TRMO: variants seen among roughly 807,000 people sequenced by gnomAD.
TRMO encodes tRNA methyltransferase O, also known as tRNA (adenine(37)-N6)-methyltransferase.
A neutral mutation model predicts 37.2 loss-of-function variants in TRMO; 30 were observed. That is an observed-to-expected ratio of 0.81 (90% CI 0.60 to 1.09). TRMO has a LOEUF of 1.09. Among genes scored for constraint, TRMO ranks in the 50% least tolerant of loss-of-function variants. TRMO has a pLI of 0.00. For synonymous variants in TRMO, 239 were observed against 199.4 expected, an observed-to-expected ratio of 1.20 and a Z score of -1.67; for missense variants, 552 against 549.5, an observed-to-expected ratio of 1.00 and a Z score of -0.05.
At chr9:97,903,253 A>C (rs985331697), downstream of TRMO, among the ~76,000 whole-genome samples, 2 of 151,998 alleles carry the variant, frequency 1.3e-5, no homozygotes, top group African/African-American at 2.4e-5. Flanking sequence ...GGGCAAAAGC[A>C]TGAGACTCAT....
intron 1 of TRMO, among the ~76,000 whole-genome samples, chr9:97,919,964 AC>A (rs1826549887): frequency 6.6e-6 from 1 of 152,214 alleles, no homozygotes; most frequent in Non-Finnish European, 1.5e-5. Flanking sequence ...ATATCCTAGT[AC>A]GTCTGAACTC....
rs1377359850 is a variant in TRMO at position 97,904,589 on chromosome 9, A to C, written c.*144T>G. 11 of 1,489,782 alleles carry C rather than the reference A, an allele frequency of 7.4e-6. No individual in the cohort carries two copies. The highest frequency in any genetic ancestry group is 1.4e-5 in the African/African-American group (1 of 71,410). 92.3% of individuals were successfully genotyped at this position (1,489,782 alleles called of 1,614,324 possible). ...AGTTTATTAATGTATACGTTTTTCA[A>C]ATAAACATTTTGAACAGCCCAAATC... On this transcript the variant is annotated 3_prime_UTR_variant, in exon 5 of 5. Transcript: ENST00000375119.
At chr9:97,915,107 C>A (rs751378241) in intron 2 of TRMO, among the ~76,000 whole-genome samples, 2 of 152,148 alleles carry the variant, frequency 1.3e-5, no homozygotes, top group Non-Finnish European at 2.9e-5. Context: ...ATTTTTAGGT[C>A]TCTACCAATA....
At chr9:97,918,365 T>C (rs1201691843) in intron 1 of TRMO, among the ~76,000 whole-genome samples, 1 of 148,128 alleles carries the variant, frequency 6.8e-6, no homozygotes, top group Non-Finnish European at 1.5e-5. Flanking sequence ...CACTCCAACC[T>C]AGGTGAGCGA....
downstream of TRMO, among the ~76,000 whole-genome samples, chr9:97,901,143 C>A (rs979035789): frequency 6.6e-6 from 1 of 152,208 alleles, no homozygotes; most frequent in Non-Finnish European, 1.5e-5. Flanking sequence ...GTGTTTTCCT[C>A]CAAGCCAGTG....
At chr9:97,901,665 T>C (rs976099032), downstream of TRMO, among the ~76,000 whole-genome samples, 4 of 152,102 alleles carry the variant, frequency 2.6e-5, no homozygotes, top group African/African-American at 9.7e-5. Flanking sequence ...TGAGGGAACT[T>C]TTATCATTTA....
intron 1 of TRMO, among the ~76,000 whole-genome samples, chr9:97,919,931 C>T (rs1281111902): frequency 6.6e-6 from 1 of 152,138 alleles, no homozygotes; most frequent in African/African-American, 2.4e-5. Flanking sequence ...TGTTTGGGAC[C>T]ACTCTCAAAA....
At chr9:97,917,779 A>G (rs1826438153) in intron 1 of TRMO, among the ~76,000 whole-genome samples, 1 of 151,738 alleles carries the variant, frequency 6.6e-6, no homozygotes. Context: ...CCCAGGCTCA[A>G]GCGACTCTCG....
At chr9:97,920,429 T>G (rs1826572464) in intron 1 of TRMO, among the ~76,000 whole-genome samples, 2 of 152,218 alleles carry the variant, frequency 1.3e-5, no homozygotes, top group Admixed American at 1.3e-4. Flanking sequence ...ACACTAGCTG[T>G]GTGACCATGG....
chr9:97,916,172 A>G lies in TRMO; in HGVS notation c.243T>C (p.Ser81=). Residue 81 remains serine (S), a synonymous_variant, in exon 2 of 5, where the codon TCT becomes TCC. Coordinates refer to ENST00000375119, the MANE Select transcript of TRMO (RefSeq NM_016481.5). ...ACTATAAAGCAACTTACCAAACATG[A>G]GAAAACTGTTCTAGGCCCATCAAGG... ...EHSLMGLEQF[S]HVWILFVFHK... is the part of the protein sequence containing the mutation. 1 of 1,587,038 alleles carries G rather than the reference A, an allele frequency of 6.3e-7. No individual in the cohort carries two copies.
chr9:97,919,255 G>T (rs1344335333), intron 1 of TRMO, among the ~76,000 whole-genome samples: 1 of 151,788 alleles, frequency 6.6e-6, no homozygotes, highest in Non-Finnish European at 1.5e-5. Context: ...AAGACCCCTA[G>T]CCCAGCCACA....
At position 97,910,372 on chromosome 9, in the gene TRMO, T is replaced by A. The variant is rs199556128; in HGVS notation, c.654A>T (p.Lys218Asn). 10 of 1,614,098 alleles carry A rather than the reference T, an allele frequency of 6.2e-6. 1 individual carries two copies. The Middle Eastern group carries it at 4.9e-4, about 80-fold the overall frequency. ...AAGTTCTGTCTTCAGGACATTTAGG[T>A]TTCCTCTTAGTGCTATGGTGGGGTT... Reference protein sequence around the residue: ...EPQPHHSTKRKPKCPEDRTSE... With the variant: ...EPQPHHSTKRNPKCPEDRTSE... The change falls in exon 4 of 5, where the codon AAA becomes AAT. Residue 218 changes from lysine to asparagine, a missense_variant. Coordinates refer to ENST00000375119, the MANE Select transcript of TRMO (RefSeq NM_016481.5).
downstream of TRMO, among the ~76,000 whole-genome samples, chr9:97,903,321 C>G (rs1825724851): frequency 6.6e-6 from 1 of 152,106 alleles, no homozygotes; most frequent in Non-Finnish European, 1.5e-5. Flanking sequence ...CCAAGAAGTT[C>G]TAAGTAACAT....
At position 97,908,105 on chromosome 9, in the gene TRMO, C is replaced by T. The variant is rs1428555539; in HGVS notation, c.1066+1855G>A. Among the ~76,000 whole-genome samples, 5 of 151,964 alleles carry T rather than the reference C, an allele frequency of 3.3e-5. No homozygotes were observed. The East Asian group carries it at 9.6e-4, about 29-fold the overall frequency. On this transcript the variant is annotated intron_variant, in intron 4 of 4. Transcript: ENST00000375119. ...GACAAGTCTGGGCAACAAAATGAGA[C>T]CCCGTCTCTTTAAAAATTCAAAATA...
At chr9:97,921,720 G>A (rs967448748) in intron 1 of TRMO, among the ~76,000 whole-genome samples, 3 of 152,032 alleles carry the variant, frequency 2.0e-5, no homozygotes, top group African/African-American at 7.2e-5. Flanking sequence ...CGCTGCGCCC[G>A]GCCCAAAGTG....
intron 4 of TRMO, among the ~76,000 whole-genome samples, chr9:97,907,859 C>A (rs1168489746): frequency 6.6e-6 from 1 of 152,174 alleles, no homozygotes; most frequent in African/African-American, 2.4e-5. Context: ...CTCCACTTTG[C>A]GGCTGTGCAC....
chr9:97,896,989 AC>A, the TRMO span, among the ~76,000 whole-genome samples: 1 of 152,150 alleles, frequency 6.6e-6, no homozygotes. Context: ...TCCCCAGAGA[AC>A]CCACCCCAAG....
chr9:97,910,402 C>T lies in TRMO; in HGVS notation c.624G>A (p.Glu208=), dbSNP rs143780090. The change falls in exon 4 of 5, where the codon GAG becomes GAA. Residue 208 remains glutamate, a synonymous_variant. Coordinates refer to ENST00000375119, the MANE Select transcript of TRMO (RefSeq NM_016481.5). ...CDQRQLSGCD[E]PQPHHSTKRK... is the part of the protein sequence containing the mutation. ...TCTTAGTGCTATGGTGGGGTTGTGG[C>T]TCATCACACCCTGAGAGCTGTCGCT... 4.3e-6 allele frequency: 7 copies of T among 1,614,204 alleles called. No homozygotes were observed. The highest frequency in any genetic ancestry group is 1.7e-5 in the Admixed American group (1 of 60,018).
chr9:97,897,221 A>G, the TRMO span, among the ~76,000 whole-genome samples: 1 of 152,260 alleles, frequency 6.6e-6, no homozygotes, highest in Non-Finnish European at 1.5e-5. Context: ...CAAAAATGTA[A>G]CCTTTCTGTA....
Sources: allele counts gnomAD v4.1 joint callset (sites outside exome capture counted in the v4.1 genomes callset), GRCh38; gene constraint gnomAD v4.1.1; transcripts MANE v1.5; gene names NCBI Gene and HGNC (gene_info 2026-07-23, HGNC 2026-07-21).